Variants in SPAG16 observed in about 807,000 individuals in gnomAD.
SPAG16 encodes the protein sperm associated antigen 16.
In SPAG16, 86 loss-of-function variants were observed where a neutral mutation model predicts 80.4. The ratio of observed to expected loss-of-function variants is 1.07; its 90% CI spans 0.90 to 1.28. The LOEUF is 1.28. Ranked by LOEUF, SPAG16 falls within the 50% of genes most tolerant of loss-of-function variation. The pLI is 0.00. For missense variants in SPAG16, 870 were observed against 765.3 expected, an observed-to-expected ratio of 1.14 and a Z score of -1.61; for synonymous variants, 294 against 265.9, an observed-to-expected ratio of 1.11 and a Z score of -1.03.
At chr2:213,636,815 A>G (rs1024460996) in intron 10 of SPAG16, among the ~76,000 whole-genome samples, 1 of 152,120 alleles carries the variant, frequency 6.6e-6, no homozygotes, top group African/African-American at 2.4e-5. Context: ...ATATCTTAAA[A>G]CTTTACAGAA....
chr2:214,394,440 T>TA (rs141778090), intron 15 of SPAG16, among the ~76,000 whole-genome samples: 5,053 of 152,178 alleles, frequency 0.033, 269 homozygotes, highest in African/African-American at 0.12. Flanking sequence ...TGTAATTGAG[T>TA]AAAAAAACTT....
chr2:213,862,104 T>G (rs557093241), intron 10 of SPAG16, among the ~76,000 whole-genome samples: 1 of 152,306 alleles, frequency 6.6e-6, no homozygotes, highest in African/African-American at 2.4e-5. Context: ...ATGTTGATGT[T>G]CTATAGTAAC....
intron 15 of SPAG16, among the ~76,000 whole-genome samples, chr2:214,388,941 A>G (rs1294572977): frequency 6.6e-6 from 1 of 152,226 alleles, no homozygotes; most frequent in African/African-American, 2.4e-5. Context: ...AGACAATCAG[A>G]TAAGAAGCGA....
At chr2:213,364,509 G>A (rs931864017) in intron 8 of SPAG16, 1 of 156,014 alleles carries the variant, frequency 6.4e-6, no homozygotes, top group Non-Finnish European at 1.4e-5. Context: ...AATTTATAAG[G>A]TGAGCTCTGC....
chr2:214,043,689 A>T (rs1316627216), intron 13 of SPAG16, among the ~76,000 whole-genome samples: 1 of 152,170 alleles, frequency 6.6e-6, no homozygotes, highest in Non-Finnish European at 1.5e-5. Context: ...ATGCCTTACG[A>T]TTCAGTCACC....
intron 9 of SPAG16, among the ~76,000 whole-genome samples, chr2:213,484,119 A>T (rs896038117): frequency 6.6e-6 from 1 of 152,314 alleles, no homozygotes; most frequent in East Asian, 1.9e-4. Flanking sequence ...AGTCAAAGTT[A>T]AAAAAGTTTC....
At chr2:213,487,001 T>C (rs1398944754) in intron 9 of SPAG16, among the ~76,000 whole-genome samples, 1 of 152,020 alleles carries the variant, frequency 6.6e-6, no homozygotes, top group Admixed American at 6.6e-5. Context: ...ACAGGTATGA[T>C]TGGGGTTGCA....
intron 10 of SPAG16, among the ~76,000 whole-genome samples, chr2:213,579,317 C>G (rs1465935924): frequency 2.0e-5 from 3 of 152,166 alleles, no homozygotes; most frequent in Admixed American, 6.6e-5. Context: ...TCACTGCTCT[C>G]TCTACAGAAG....
intron 10 of SPAG16, among the ~76,000 whole-genome samples, chr2:213,711,214 T>C (rs2065971303): frequency 6.6e-6 from 1 of 152,136 alleles, no homozygotes; most frequent in African/African-American, 2.4e-5. Context: ...TGTACTTTCC[T>C]CTCAGTTATC....
intron 15 of SPAG16, among the ~76,000 whole-genome samples, chr2:214,371,825 C>A (rs554187938): frequency 2.4e-4 from 37 of 151,424 alleles, no homozygotes; most frequent in African/African-American, 8.7e-4. Context: ...GGATTACAGG[C>A]ACCTGCCACC....
chr2:214,047,449 T>C (rs907421674), intron 13 of SPAG16, among the ~76,000 whole-genome samples: 1 of 151,918 alleles, frequency 6.6e-6, no homozygotes, highest in South Asian at 2.1e-4. Flanking sequence ...GGGGGAAAAA[T>C]ATCTTTTCAA....
chr2:213,980,858 G>A lies in SPAG16; in HGVS notation c.1401-33093G>A, dbSNP rs147128665. Among the ~76,000 whole-genome samples the A allele has an allele frequency of 6.4e-3, 945 of 148,508 alleles. 8 individuals carry two copies. Among genetic ancestry groups the A allele is most frequent in the African/African-American group, 0.022 (902 of 40,102 alleles). ...CGGGAGGCGGAGGTTGCAGTGAGCC[G>A]AGATCACACCACTGCACTACAGTCT... On this transcript the variant is annotated intron_variant, in intron 12 of 15. Transcript: ENST00000331683.
At chr2:213,468,367 A>C (rs7569487) in intron 9 of SPAG16, among the ~76,000 whole-genome samples, 62,484 of 144,454 alleles carry the variant, frequency 0.43, 14,451 homozygotes, top group African/African-American at 0.58. Flanking sequence ...ATATATATAT[A>C]TCTCTCTCTA....
intron 9 of SPAG16, among the ~76,000 whole-genome samples, chr2:213,479,978 T>C (rs956142402): frequency 2.0e-5 from 3 of 152,196 alleles, no homozygotes; most frequent in Admixed American, 1.3e-4. Context: ...ATTTGAATTA[T>C]TTTTCTGATG....
At chr2:213,972,886 T>C (rs909290847) in intron 12 of SPAG16, among the ~76,000 whole-genome samples, 5 of 152,210 alleles carry the variant, frequency 3.3e-5, no homozygotes, top group Admixed American at 6.5e-5. Context: ...GTTTTCACTC[T>C]TCTGATGGCA....
chr2:214,004,967 GTTAT>G (rs1235755975), intron 12 of SPAG16, among the ~76,000 whole-genome samples: 10 of 152,234 alleles, frequency 6.6e-5, no homozygotes, highest in African/African-American at 2.4e-4. Flanking sequence ...TCACATTGTT[GTTAT>G]TTAATTATGT....
At chr2:214,212,042 CT>C (rs2058308785) in intron 15 of SPAG16, among the ~76,000 whole-genome samples, 2 of 152,096 alleles carry the variant, frequency 1.3e-5, no homozygotes, top group South Asian at 4.1e-4. Flanking sequence ...GCAAAATATA[CT>C]TGTAAAATAT....
intron 15 of SPAG16, among the ~76,000 whole-genome samples, chr2:214,358,213 G>A (rs947638349): frequency 5.9e-5 from 9 of 151,688 alleles, no homozygotes; most frequent in African/African-American, 2.2e-4. Context: ...GTCACCATTT[G>A]GACATCCCAG....
intron 10 of SPAG16, among the ~76,000 whole-genome samples, chr2:213,636,210 T>C (rs756267484): frequency 4.1e-4 from 63 of 152,240 alleles, no homozygotes; most frequent in Non-Finnish European, 6.5e-4. Context: ...ATAGGGTGTA[T>C]TTTCCCCGCT....
Sources: allele counts gnomAD v4.1 joint callset (sites outside exome capture counted in the v4.1 genomes callset), GRCh38; gene constraint gnomAD v4.1.1; transcripts MANE v1.5; gene names NCBI Gene and HGNC (gene_info 2026-07-23, HGNC 2026-07-21).